The following ZBTB40 variants were observed in gnomAD, a reference collection of about 807,000 sequenced individuals.
ZBTB40 encodes the protein zinc finger and BTB domain containing 40, also known as zinc finger and BTB domain-containing protein 40.
Under a neutral mutation model 117.5 loss-of-function variants are expected in ZBTB40, and 60 were observed. The observed-to-expected ratio is 0.51, with a 90% confidence interval of 0.41 to 0.63. ZBTB40 has a LOEUF of 0.63. Among genes scored for constraint, ZBTB40 ranks in the 30% least tolerant of loss-of-function variants. The probability of loss-of-function intolerance (pLI) is 0.00; values close to 1 mark genes in which losing one functional copy is unlikely to be tolerated. For missense variants in ZBTB40, 1,287 were observed against 1,498.5 expected, an observed-to-expected ratio of 0.86 and a Z score of 2.33; for synonymous variants, 525 against 577.1, an observed-to-expected ratio of 0.91 and a Z score of 1.29.
At chr1:22,502,724 C>CAGTT (rs1557511146) in intron 5 of ZBTB40, among the ~76,000 whole-genome samples, 3 of 151,888 alleles carry the variant, frequency 2.0e-5, no homozygotes, top group African/African-American at 7.3e-5. Flanking sequence ...GATGGATGGA[C>CAGTT]GGACGGACGG....
At chr1:22,453,505 A>G (rs1457274240) in intron 1 of ZBTB40, among the ~76,000 whole-genome samples, 1 of 152,236 alleles carries the variant, frequency 6.6e-6, no homozygotes, top group African/African-American at 2.4e-5. Flanking sequence ...GTAGACAAAG[A>G]TAATTTCAAA....
At chr1:22,436,254 G>A (rs1185764913) in intron 1 of ZBTB40, among the ~76,000 whole-genome samples, 2 of 152,214 alleles carry the variant, frequency 1.3e-5, no homozygotes, top group African/African-American at 4.8e-5. Context: ...GCTCATGCCT[G>A]TAATCCCAGC....
chr1:22,459,489 T>A (rs1641083001), intron 1 of ZBTB40, among the ~76,000 whole-genome samples: 1 of 152,252 alleles, frequency 6.6e-6, no homozygotes, highest in East Asian at 1.9e-4. Context: ...TGAGATGCTG[T>A]CTTTATTGAA....
At chr1:22,470,253 G>GT (rs1417390193) in intron 1 of ZBTB40, among the ~76,000 whole-genome samples, 2 of 152,210 alleles carry the variant, frequency 1.3e-5, no homozygotes, top group African/African-American at 4.8e-5. Context: ...GATAATTCTA[G>GT]TTGCATAATT....
rs1175501217 is a variant in ZBTB40, at chr1:22,526,175, A to G, written c.3526-27A>G. On this transcript the variant is annotated intron_variant, in intron 17 of 17. Transcript: ENST00000375647. ...GGAGCCAACTGTGAACACTGCCCAG[A>G]GCAGCCTCACGGTCTTTCTCTTTCA... 3.7e-6 allele frequency: 6 copies of G among 1,613,408 alleles called. No individual in the cohort carries two copies. In the African/African-American group the frequency reaches 6.7e-5, roughly 18 times the overall value.
At chr1:22,478,633 G>A (rs893673115) in intron 1 of ZBTB40, among the ~76,000 whole-genome samples, 4 of 152,106 alleles carry the variant, frequency 2.6e-5, no homozygotes, top group South Asian at 4.1e-4. Flanking sequence ...GTTAATATAC[G>A]CAAAGCATTT....
intron 1 of ZBTB40, among the ~76,000 whole-genome samples, chr1:22,454,059 T>C (rs759999544): frequency 1.3e-5 from 2 of 152,218 alleles, no homozygotes; most frequent in Non-Finnish European, 2.9e-5. Flanking sequence ...AAGTGATTCT[T>C]CTGCCTCAAC....
chr1:22,434,756 T>TGG (rs1269362554), intron 1 of ZBTB40, among the ~76,000 whole-genome samples: 1 of 152,184 alleles, frequency 6.6e-6, no homozygotes, highest in African/African-American at 2.4e-5. Flanking sequence ...TTTGTTCTAT[T>TGG]GGTTTGTCTG....
At chr1:22,476,952 C>T (rs1001420457) in intron 1 of ZBTB40, among the ~76,000 whole-genome samples, 1 of 152,202 alleles carries the variant, frequency 6.6e-6, no homozygotes, top group Non-Finnish European at 1.5e-5. Context: ...TGCCCTTTCA[C>T]CACATGACAT....
intron 11 of ZBTB40, 132 bp downstream of exon 11, chr1:22,512,266 G>C: frequency 2.0e-6 from 2 of 1,018,208 alleles, no homozygotes; most frequent in Non-Finnish European, 3.0e-6. Flanking sequence ...TTCCTACAGA[G>C]GCAGGGTAAT....
rs537039536 is a variant in ZBTB40, at chr1:22,508,152, G to C, written c.1497+15G>C. 3 of 1,612,834 alleles carry C rather than the reference G, an allele frequency of 1.9e-6. No homozygotes were observed. The highest frequency in any genetic ancestry group is 1.1e-5 in the South Asian group (1 of 91,056). On this transcript the variant is annotated intron_variant, in intron 7 of 17. Coordinates refer to ENST00000375647, the MANE Select transcript of ZBTB40 (RefSeq NM_014870.4). Reference sequence around the variant, plus strand: ...GAGAAAGAGAGGTAAGAGAGGGAGAGAAACAGAGGGAGGGGAGGGTAAAAT... The same window carrying C: ...GAGAAAGAGAGGTAAGAGAGGGAGACAAACAGAGGGAGGGGAGGGTAAAAT...
rs1188301997 is a variant in ZBTB40 at position 22,524,361 on chromosome 1, G to A, written c.3442G>A (p.Ala1148Thr). ...ELCGELFTSQ[A>T]QLDSHLESEH... is the part of the protein sequence containing the mutation. ...CTGTGGGGAACTCTTCACCTCCCAG[G>A]CCCAGCTTGACAGTCACCTGGAATC... Residue 1148 changes from alanine (A) to threonine (T), a missense_variant, in exon 17 of 18, where the codon GCC becomes ACC. Coordinates refer to ENST00000375647, the MANE Select transcript of ZBTB40 (RefSeq NM_014870.4). 1 of 1,614,144 alleles carries A rather than the reference G, an allele frequency of 6.2e-7. No homozygotes were observed. Among genetic ancestry groups the A allele is most frequent in the East Asian group, 2.2e-5 (1 of 44,882 alleles).
intron 1 of ZBTB40, among the ~76,000 whole-genome samples, chr1:22,485,819 A>T (rs533039046): frequency 6.6e-6 from 1 of 151,878 alleles, no homozygotes; most frequent in East Asian, 1.9e-4. Flanking sequence ...AGTCGTGTCC[A>T]GTCTACTAAT....
rs1305399235 is a variant in ZBTB40, at chr1:22,528,401, C to T, written c.*2005C>T. 6.6e-6 allele frequency: 1 copy of T among 151,732 alleles called. No homozygotes were observed. The highest frequency in any genetic ancestry group is 1.5e-5 in the Non-Finnish European group (1 of 67,966). 9.4% of individuals were successfully genotyped at this position (151,732 alleles called of 1,614,324 possible). A position where few individuals can be genotyped will look rare whatever the true frequency, so the allele number is the denominator to read the frequency against. The stretch of plus-strand genomic sequence containing the variant: ...TCCAAAACAAAACTAGAAATAATTG[C>T]TGAGGGCTTATAGGGAAGTGATTTA... On this transcript the variant is annotated 3_prime_UTR_variant, in exon 18 of 18. Coordinates refer to ENST00000375647, the MANE Select transcript of ZBTB40 (RefSeq NM_014870.4).
intron 7 of ZBTB40, 92 bp downstream of exon 7, chr1:22,508,229 A>G: frequency 7.0e-7 from 1 of 1,436,828 alleles, no homozygotes. Context: ...TTTTCTGTAA[A>G]TATACATATG....
intron 3 of ZBTB40, among the ~76,000 whole-genome samples, chr1:22,497,590 A>G (rs1638813028): frequency 6.6e-6 from 1 of 152,232 alleles, no homozygotes; most frequent in Non-Finnish European, 1.5e-5. Flanking sequence ...TTTATTGAGC[A>G]CCTACTATGT....
At chr1:22,455,010 G>A (rs1640972818) in intron 1 of ZBTB40, among the ~76,000 whole-genome samples, 1 of 152,214 alleles carries the variant, frequency 6.6e-6, no homozygotes, top group Non-Finnish European at 1.5e-5. Flanking sequence ...AAAGAGGGGA[G>A]CAGATCTTGT....
chr1:22,501,118 A>G (rs1014139364), intron 3 of ZBTB40, among the ~76,000 whole-genome samples: 1 of 152,250 alleles, frequency 6.6e-6, no homozygotes, highest in African/African-American at 2.4e-5. Context: ...ACAGAGCCCT[A>G]GAAAGCATAA....
intron 3 of ZBTB40, among the ~76,000 whole-genome samples, chr1:22,499,450 G>T (rs1208609458): frequency 6.6e-6 from 1 of 152,122 alleles, no homozygotes; most frequent in South Asian, 2.1e-4. Context: ...GCCTGCCTTG[G>T]GTTCCCTACT....
Sources: gnomAD v4.1 joint callset for allele counts (sites outside exome capture counted in the v4.1 genomes callset) on GRCh38, gnomAD v4.1.1 for gene constraint, MANE v1.5 for transcripts, NCBI Gene and HGNC (gene_info 2026-07-23, HGNC 2026-07-21) for gene names.